ANKS1B: variants seen among roughly 807,000 people sequenced by gnomAD.
ANKS1B encodes the protein ankyrin repeat and sterile alpha motif domain-containing protein 1B.
ANKS1B carries 36 observed loss-of-function variants against 148.3 expected under a neutral mutation model. That is an observed-to-expected ratio of 0.24 (90% CI 0.19 to 0.32). The LOEUF (loss-of-function observed/expected upper bound fraction) is 0.32, where lower values mean the gene tolerates loss of function less well. ANKS1B is among the 10% of genes least tolerant of loss of function. The probability of loss-of-function intolerance (pLI) is 1.00; values close to 1 mark genes in which losing one functional copy is unlikely to be tolerated. For missense variants in ANKS1B, 1,157 were observed against 1,542.6 expected, an observed-to-expected ratio of 0.75 and a Z score of 4.19; for synonymous variants, 542 against 560.8, an observed-to-expected ratio of 0.97 and a Z score of 0.47.
rs551028786 is a variant in ANKS1B, at chr12:98,744,854, A to G, written c.*885T>C. The G allele has an allele frequency of 5.1e-6, 5 of 985,576 alleles. No individual in the cohort carries two copies. Among genetic ancestry groups the G allele is most frequent in the African/African-American group, 3.5e-5 (2 of 57,268 alleles). 61.1% of individuals were successfully genotyped at this position (985,576 alleles called of 1,614,324 possible). A position where few individuals can be genotyped will look rare whatever the true frequency, so the allele number is the denominator to read the frequency against. On this transcript the variant is annotated 3_prime_UTR_variant, in exon 27 of 27. Coordinates refer to ENST00000683438, the MANE Select transcript of ANKS1B (RefSeq NM_001352186.2). ...GTGAAGATTAAAAAACAATCTTGGC[A>G]GGCTGATGGCTGCGTCAGCACTTCC...
At chr12:99,237,877 G>A (rs768301599) in intron 14 of ANKS1B, among the ~76,000 whole-genome samples, 15 of 152,184 alleles carry the variant, frequency 9.9e-5, no homozygotes, top group East Asian at 5.8e-4. Flanking sequence ...TCAGCCTCCC[G>A]AGTACCTGGG....
chr12:99,189,935 A>C lies in ANKS1B; in HGVS notation c.2420-35540T>G, dbSNP rs143765517. Reference sequence around the variant, plus strand: ...GCAGATGATATGACTGTATATTTAGAAAACCCCATCGTCTCAGTTCAAAAT... The same window carrying C: ...GCAGATGATATGACTGTATATTTAGCAAACCCCATCGTCTCAGTTCAAAAT... On this transcript the variant is annotated intron_variant, in intron 14 of 26. Coordinates refer to ENST00000683438, the MANE Select transcript of ANKS1B (RefSeq NM_001352186.2). Among the ~76,000 whole-genome samples, 1,017 of 152,350 alleles carry C rather than the reference A, an allele frequency of 6.7e-3. 19 individuals are homozygous for C. The highest frequency in any genetic ancestry group is 0.023 in the African/African-American group (952 of 41,574).
intron 8 of ANKS1B, among the ~76,000 whole-genome samples, chr12:99,721,867 G>A (rs2058123371): frequency 6.6e-6 from 1 of 152,190 alleles, no homozygotes; most frequent in Admixed American, 6.5e-5. Context: ...AGTTCTTGAA[G>A]GAAATTAAAA....
chr12:99,072,197 G>T (rs2046500824), intron 16 of ANKS1B, among the ~76,000 whole-genome samples: 1 of 151,972 alleles, frequency 6.6e-6, no homozygotes, highest in Admixed American at 6.6e-5. Context: ...GACTCTCTTA[G>T]GTCAGTAATT....
chr12:98,845,783 T>C (rs1459068320), intron 17 of ANKS1B, among the ~76,000 whole-genome samples: 1 of 151,970 alleles, frequency 6.6e-6, no homozygotes, highest in East Asian at 1.9e-4. Context: ...CAATGCTGCG[T>C]ATTAACATGA....
intron 13 of ANKS1B, 83 bp downstream of exon 13, chr12:99,246,192 G>C: frequency 9.4e-7 from 1 of 1,061,290 alleles, no homozygotes; most frequent in Non-Finnish European, 1.3e-6. Flanking sequence ...TTTTGAAAGA[G>C]CTAAAAAGCT....
chr12:98,876,565 C>T (rs920564205), intron 17 of ANKS1B, among the ~76,000 whole-genome samples: 1 of 152,156 alleles, frequency 6.6e-6, no homozygotes, highest in African/African-American at 2.4e-5. Context: ...ATACCTGGCC[C>T]AGATCAAGGA....
intron 16 of ANKS1B, chr12:99,083,810 AT>A (rs2050671431): frequency 1.3e-5 from 2 of 152,150 alleles, no homozygotes; most frequent in Middle Eastern, 3.4e-3. Flanking sequence ...GCCTCCTGAA[AT>A]GCCTTTTCCC....
At chr12:99,162,198 A>G (rs2076721432) in intron 14 of ANKS1B, among the ~76,000 whole-genome samples, 1 of 152,182 alleles carries the variant, frequency 6.6e-6, no homozygotes, top group Non-Finnish European at 1.5e-5. Context: ...AGTGACTATT[A>G]ATGGATTTAG....
chr12:99,853,705 G>A (rs1468888610), intron 1 of ANKS1B, among the ~76,000 whole-genome samples: 1 of 152,004 alleles, frequency 6.6e-6, no homozygotes, highest in Non-Finnish European at 1.5e-5. Context: ...CACCAGCAAT[G>A]GATCCAAACC....
chr12:98,769,759 A>G (rs2153469670), intron 25 of ANKS1B, among the ~76,000 whole-genome samples: 1 of 152,286 alleles, frequency 6.6e-6, no homozygotes, highest in East Asian at 1.9e-4. Context: ...GGCAAATTAT[A>G]TATTACCTTA....
chr12:99,193,178 C>G (rs2080956693), intron 14 of ANKS1B, among the ~76,000 whole-genome samples: 1 of 152,158 alleles, frequency 6.6e-6, no homozygotes, highest in Admixed American at 6.6e-5. Flanking sequence ...GCTATAGCTA[C>G]TGTTGGGCTC....
chr12:99,487,903 A>T (rs2096514493), intron 10 of ANKS1B, among the ~76,000 whole-genome samples: 1 of 152,068 alleles, frequency 6.6e-6, no homozygotes, highest in Non-Finnish European at 1.5e-5. Flanking sequence ...AATATTCTGA[A>T]TGAAACATGA....
intron 17 of ANKS1B, among the ~76,000 whole-genome samples, chr12:98,969,962 T>C (rs1211891152): frequency 6.6e-6 from 1 of 152,214 alleles, no homozygotes; most frequent in African/African-American, 2.4e-5. Context: ...AAGTAGAGAT[T>C]TGAAATTGGT....
At chr12:98,866,241 C>A (rs2099624065) in intron 17 of ANKS1B, among the ~76,000 whole-genome samples, 1 of 152,210 alleles carries the variant, frequency 6.6e-6, no homozygotes, top group South Asian at 2.1e-4. Context: ...CACAGCACTT[C>A]TGCGAATCTT....
At chr12:98,946,540 A>T (rs561173983) in intron 17 of ANKS1B, among the ~76,000 whole-genome samples, 1 of 152,288 alleles carries the variant, frequency 6.6e-6, no homozygotes, top group Non-Finnish European at 1.5e-5. Flanking sequence ...AATCTAATAA[A>T]TCAGGAAACT....
intron 12 of ANKS1B, among the ~76,000 whole-genome samples, chr12:99,372,826 T>G (rs1204563294): frequency 6.6e-6 from 1 of 152,198 alleles, no homozygotes; most frequent in Non-Finnish European, 1.5e-5. Context: ...TACAATTTCC[T>G]TTATATCTCA....
chr12:99,351,108 T>C (rs1329142073), intron 12 of ANKS1B, among the ~76,000 whole-genome samples: 2 of 152,130 alleles, frequency 1.3e-5, no homozygotes, highest in African/African-American at 2.4e-5. Context: ...AAAATCTTGG[T>C]ATTTTCCACC....
chr12:98,894,545 T>C, intron 17 of ANKS1B: 1 of 982,280 alleles, frequency 1.0e-6, no homozygotes, highest in Non-Finnish European at 1.2e-6. Context: ...CCTCCGCCTC[T>C]GCCCCGGCTG....
Sources: gnomAD v4.1 joint callset for allele counts (sites outside exome capture counted in the v4.1 genomes callset) on GRCh38, gnomAD v4.1.1 for gene constraint, MANE v1.5 for transcripts, NCBI Gene and HGNC (gene_info 2026-07-23, HGNC 2026-07-21) for gene names.